NPAS3: variants seen among roughly 807,000 people sequenced by gnomAD.
The protein encoded by NPAS3 is neuronal PAS domain-containing protein 3.
Under a neutral mutation model 73.1 loss-of-function variants are expected in NPAS3, and 14 were observed. That is an observed-to-expected ratio of 0.19 (90% confidence interval 0.13 to 0.30). The LOEUF (loss-of-function observed/expected upper bound fraction) is 0.30, where lower values mean the gene tolerates loss of function less well. Ranked by LOEUF, NPAS3 falls within the 10% of genes least tolerant of loss-of-function variation. NPAS3 has a pLI of 1.00. For synonymous variants in NPAS3, 620 were observed against 541.5 expected (o/e 1.14, Z -2.01); for missense variants, 1,096 against 1,250.0 (o/e 0.88, Z 1.86).
intron 3 of NPAS3, among the ~76,000 whole-genome samples, chr14:33,228,029 G>A (rs1373274678): frequency 6.6e-6 from 1 of 152,142 alleles, no homozygotes; most frequent in Non-Finnish European, 1.5e-5. Flanking sequence ...AACCCAGCTT[G>A]TCTATACCGT....
At chr14:33,019,514 A>G (rs1008123023) in intron 1 of NPAS3, among the ~76,000 whole-genome samples, 6 of 152,112 alleles carry the variant, frequency 3.9e-5, no homozygotes, top group Non-Finnish European at 7.4e-5. Flanking sequence ...TTCCTTTTCT[A>G]TCACCACTTT....
At chr14:33,305,523 A>G (rs1490045805) in intron 3 of NPAS3, among the ~76,000 whole-genome samples, 1 of 152,154 alleles carries the variant, frequency 6.6e-6, no homozygotes, top group African/African-American at 2.4e-5. Context: ...GAGTTTTTGT[A>G]AGTCAGAAGT....
intron 6 of NPAS3, among the ~76,000 whole-genome samples, chr14:33,732,398 C>T (rs558417023): frequency 6.6e-6 from 1 of 152,322 alleles, no homozygotes; most frequent in South Asian, 2.1e-4. Context: ...CTGTCACATG[C>T]AGATAATCTG....
chr14:33,483,790 A>G (rs990239182), intron 4 of NPAS3, among the ~76,000 whole-genome samples: 8 of 152,150 alleles, frequency 5.3e-5, no homozygotes, highest in Non-Finnish European at 1.0e-4. Context: ...CTCCGTTGAA[A>G]TATGCTCCTT....
At chr14:33,096,941 A>T (rs543733609) in intron 2 of NPAS3, among the ~76,000 whole-genome samples, 10 of 152,328 alleles carry the variant, frequency 6.6e-5, no homozygotes, top group Non-Finnish European at 1.5e-4. Context: ...CCCACTACTT[A>T]TGTTAACTAC....
intron 3 of NPAS3, among the ~76,000 whole-genome samples, chr14:33,270,984 G>A (rs956998608): frequency 1.6e-4 from 25 of 152,116 alleles, no homozygotes; most frequent in African/African-American, 6.0e-4. Context: ...AAGATTAATA[G>A]GATAAAAAGC....
chr14:33,143,302 A>G (rs1039113085), intron 2 of NPAS3, among the ~76,000 whole-genome samples: 13 of 152,146 alleles, frequency 8.5e-5, no homozygotes, highest in African/African-American at 3.1e-4. Flanking sequence ...GACCAGCCCG[A>G]CCAATGTGGT....
At chr14:33,725,363 A>T (rs2061236568) in intron 6 of NPAS3, among the ~76,000 whole-genome samples, 1 of 152,300 alleles carries the variant, frequency 6.6e-6, no homozygotes, top group Non-Finnish European at 1.5e-5. Context: ...CACAGGTTTT[A>T]TCCCAATTTT....
chr14:33,663,448 T>A (rs1392248426), intron 5 of NPAS3, among the ~76,000 whole-genome samples: 1 of 152,200 alleles, frequency 6.6e-6, no homozygotes, highest in Non-Finnish European at 1.5e-5. Context: ...CTTTTTGATG[T>A]GCTGCTGGAT....
At chr14:33,649,476 A>G (rs12100558) in intron 5 of NPAS3, among the ~76,000 whole-genome samples, 1 of 152,244 alleles carries the variant, frequency 6.6e-6, no homozygotes, top group Non-Finnish European at 1.5e-5. Context: ...AAAAGATGCT[A>G]TTCCCATCTC....
chr14:33,735,301 G>A, exon 7 of NPAS3: 1 of 1,613,440 alleles, frequency 6.2e-7, no homozygotes, highest in Non-Finnish European at 8.5e-7. Flanking sequence ...CTGACCAAAC[G>A]CGGTGTGCAC....
At chr14:33,473,090 A>C (rs370835256) in intron 4 of NPAS3, among the ~76,000 whole-genome samples, 1 of 152,168 alleles carries the variant, frequency 6.6e-6, no homozygotes, top group African/African-American at 2.4e-5. Context: ...TTCGCAGAGT[A>C]AAAGAGAGAT....
At chr14:33,217,041 G>T (rs1381353395) in intron 3 of NPAS3, among the ~76,000 whole-genome samples, 4 of 152,160 alleles carry the variant, frequency 2.6e-5, no homozygotes, top group Non-Finnish European at 4.4e-5. Flanking sequence ...CCGCATGGCT[G>T]GGGAGGCCTC....
At chr14:33,279,839 G>A (rs561635464) in intron 3 of NPAS3, among the ~76,000 whole-genome samples, 3 of 152,038 alleles carry the variant, frequency 2.0e-5, no homozygotes, top group Non-Finnish European at 2.9e-5. Context: ...AGGTTGAATC[G>A]CACAAAATTG....
At chr14:33,642,534 G>A (rs1458363857) in intron 5 of NPAS3, among the ~76,000 whole-genome samples, 1 of 152,148 alleles carries the variant, frequency 6.6e-6, no homozygotes, top group East Asian at 1.9e-4. Flanking sequence ...TTTCTTTTAA[G>A]TCTGGGTACA....
chr14:33,552,206 T>C lies in NPAS3; in HGVS notation c.469-7915T>C, dbSNP rs76459463. 2.0e-5 allele frequency among the ~76,000 whole-genome samples: 3 copies of C among 152,290 alleles called. No homozygotes were observed. The East Asian group carries it at 5.8e-4, about 29-fold the overall frequency. ...TGAGACTCACTCGTGTGGAAAGAAA[T>C]GCTGGAAGAGGCAAGGATTCCACAC... On this transcript the variant is annotated intron_variant, in intron 4 of 11. Transcript: ENST00000356141.
At chr14:33,250,299 C>G (rs992233486) in intron 3 of NPAS3, among the ~76,000 whole-genome samples, 1 of 151,686 alleles carries the variant, frequency 6.6e-6, no homozygotes, top group African/African-American at 2.4e-5. Context: ...TCATTGCTGT[C>G]TTCAAGATTG....
At chr14:33,334,526 G>C (rs977460066) in intron 3 of NPAS3, among the ~76,000 whole-genome samples, 1 of 152,006 alleles carries the variant, frequency 6.6e-6, no homozygotes, top group Non-Finnish European at 1.5e-5. Flanking sequence ...TAGTGTTGTG[G>C]GGGTTAATTC....
At chr14:33,261,039 C>A (rs2048957494) in intron 3 of NPAS3, among the ~76,000 whole-genome samples, 1 of 152,168 alleles carries the variant, frequency 6.6e-6, no homozygotes, top group Non-Finnish European at 1.5e-5. Flanking sequence ...CATCAGCCTG[C>A]TTCATACCTT....
Sources: allele counts gnomAD v4.1 joint callset (sites outside exome capture counted in the v4.1 genomes callset), GRCh38; gene constraint gnomAD v4.1.1; transcripts MANE v1.5; gene names NCBI Gene and HGNC (gene_info 2026-07-23, HGNC 2026-07-21).